Variants in PLEKHA5 observed in about 807,000 individuals in gnomAD.
PLEKHA5 encodes the protein pleckstrin homology domain containing A5, also known as pleckstrin homology domain-containing family A member 5.
A neutral mutation model predicts 181.9 loss-of-function variants in PLEKHA5; 55 were observed. That is an observed-to-expected ratio of 0.30 (90% CI 0.24 to 0.38). The LOEUF is 0.38. Ranked by LOEUF, PLEKHA5 falls within the 10% of genes least tolerant of loss-of-function variation. PLEKHA5 has a pLI of 1.00. For synonymous variants in PLEKHA5, 535 were observed against 529.4 expected (o/e 1.01, Z -0.15); for missense variants, 1,432 against 1,549.5 (o/e 0.92, Z 1.27).
intron 5 of PLEKHA5, among the ~76,000 whole-genome samples, chr12:19,255,555 G>A (rs1054265912): frequency 1.3e-5 from 2 of 151,486 alleles, no homozygotes; most frequent in African/African-American, 2.4e-5. Flanking sequence ...ATAATTATAA[G>A]ATAATTATAA....
chr12:19,335,723 C>G (rs2093374213), intron 20 of PLEKHA5, among the ~76,000 whole-genome samples: 1 of 151,718 alleles, frequency 6.6e-6, no homozygotes, highest in Non-Finnish European at 1.5e-5. Context: ...CCTCTGCTTC[C>G]TAGGTTCAAG....
At chr12:19,190,397 T>C (rs913637291) in intron 3 of PLEKHA5, among the ~76,000 whole-genome samples, 1 of 152,206 alleles carries the variant, frequency 6.6e-6, no homozygotes, top group Non-Finnish European at 1.5e-5. Context: ...TTCAGGTTAA[T>C]GCAAAGCACT....
At chr12:19,211,637 A>G (rs1410071397) in intron 3 of PLEKHA5, among the ~76,000 whole-genome samples, 1 of 152,226 alleles carries the variant, frequency 6.6e-6, no homozygotes, top group Non-Finnish European at 1.5e-5. Context: ...TCAATAGAAG[A>G]TATCAAATGA....
At position 19,307,400 on chromosome 12, in the gene PLEKHA5, AG is replaced by A. The variant is rs1195388653; in HGVS notation, c.2038-7412del. The A allele has an allele frequency of 1.2e-5, 3 of 258,532 alleles. No homozygotes were observed. In the South Asian group the frequency reaches 1.4e-4, roughly 12 times the overall value. The allele number at this position is 258,532 out of a possible 1,614,324, so 16.0% of individuals were successfully genotyped here. A position where few individuals can be genotyped will look rare whatever the true frequency, so the allele number is the denominator to read the frequency against. On this transcript the variant is annotated intron_variant, in intron 15 of 31. Coordinates refer to ENST00000429027, the MANE Select transcript of PLEKHA5 (RefSeq NM_001256470.2). Reference sequence around the variant, plus strand: ...GGCAGGAGAATCGCCTGAATCCTGGAGGCGGAGGTTGCAGTGAGCCGAGATT... The same window carrying A: ...GGCAGGAGAATCGCCTGAATCCTGGAGCGGAGGTTGCAGTGAGCCGAGATT...
At chr12:19,253,063 C>CTTTTT (rs1314175368) in intron 3 of PLEKHA5, among the ~76,000 whole-genome samples, 1 of 51,992 alleles carries the variant, frequency 1.9e-5, no homozygotes, top group Non-Finnish European at 5.6e-5. Context: ...AATCAACTTA[C>CTTTTT]CTTTTTTTTT....
chr12:19,269,348 C>T (rs972484879), intron 8 of PLEKHA5, among the ~76,000 whole-genome samples: 6 of 146,122 alleles, frequency 4.1e-5, no homozygotes, highest in African/African-American at 1.3e-4. Flanking sequence ...GATTGCTCCA[C>T]TGCACTCCAA....
At chr12:19,348,282 C>G in intron 24 of PLEKHA5, 117 bp from the exon 25 acceptor site, 2 of 709,646 alleles carry the variant, frequency 2.8e-6, no homozygotes, top group South Asian at 1.8e-5. Context: ...TGTGTTATAT[C>G]CCAGATGGCT....
intron 8 of PLEKHA5, among the ~76,000 whole-genome samples, chr12:19,267,020 C>T (rs903693348): frequency 6.6e-6 from 1 of 152,040 alleles, no homozygotes; most frequent in Non-Finnish European, 1.5e-5. Flanking sequence ...ATTAATAGTA[C>T]CCACCAATCT....
chr12:19,266,853 A>C (rs1305952227), intron 8 of PLEKHA5, among the ~76,000 whole-genome samples: 1 of 152,182 alleles, frequency 6.6e-6, no homozygotes, highest in Non-Finnish European at 1.5e-5. Context: ...ATAAAGATAT[A>C]TATATGTACC....
intron 20 of PLEKHA5, among the ~76,000 whole-genome samples, chr12:19,325,700 AT>A (rs1178174808): frequency 3.3e-4 from 44 of 133,182 alleles, no homozygotes; most frequent in African/African-American, 1.1e-3. Flanking sequence ...AAAAAAAAAA[AT>A]AGTAATAATA....
chr12:19,331,867 TA>T (rs1205900668), intron 20 of PLEKHA5, among the ~76,000 whole-genome samples: 2 of 151,550 alleles, frequency 1.3e-5, no homozygotes, highest in Non-Finnish European at 2.9e-5. Context: ...TACAGAAGAT[TA>T]AAAAACAATG....
chr12:19,276,376 T>C (rs2074502321), intron 11 of PLEKHA5, among the ~76,000 whole-genome samples: 1 of 152,156 alleles, frequency 6.6e-6, no homozygotes, highest in South Asian at 2.1e-4. Flanking sequence ...ATGTGCTTGA[T>C]TGCAAACTCG....
At chr12:19,349,261 A>G (rs2094476655) in intron 25 of PLEKHA5, among the ~76,000 whole-genome samples, 1 of 151,932 alleles carries the variant, frequency 6.6e-6, no homozygotes, top group Non-Finnish European at 1.5e-5. Flanking sequence ...GACTACAGGC[A>G]CACACCACCA....
chr12:19,194,892 T>TTTA (rs2052258271), intron 3 of PLEKHA5, among the ~76,000 whole-genome samples: 1 of 152,130 alleles, frequency 6.6e-6, no homozygotes, highest in East Asian at 1.9e-4. Flanking sequence ...ATGAAAAGGG[T>TTTA]TTATATCAAA....
chr12:19,172,533 G>A (rs778744945), intron 3 of PLEKHA5, among the ~76,000 whole-genome samples: 1 of 152,230 alleles, frequency 6.6e-6, no homozygotes, highest in African/African-American at 2.4e-5. Context: ...GAAAATCTGC[G>A]CAACATCAGT....
chr12:19,192,713 AT>A (rs1379743313), intron 3 of PLEKHA5, among the ~76,000 whole-genome samples: 6 of 152,218 alleles, frequency 3.9e-5, no homozygotes, highest in African/African-American at 1.2e-4. Flanking sequence ...GTCTCAAAAA[AT>A]AAAAAAGAAA....
chr12:19,153,360 T>G (rs2040904103), intron 3 of PLEKHA5: 1 of 152,204 alleles, frequency 6.6e-6, no homozygotes, highest in African/African-American at 2.4e-5. Flanking sequence ...TTGTTAATGC[T>G]AAACCATTAA....
At chr12:19,316,229 G>C (rs1210422164) in intron 16 of PLEKHA5, among the ~76,000 whole-genome samples, 1 of 152,056 alleles carries the variant, frequency 6.6e-6, no homozygotes, top group East Asian at 1.9e-4. Flanking sequence ...AATAGGTTAT[G>C]TTTTTATCAC....
intron 16 of PLEKHA5, among the ~76,000 whole-genome samples, chr12:19,317,992 C>G (rs1257474716): frequency 8.4e-6 from 1 of 119,242 alleles, no homozygotes. Flanking sequence ...TTACCATGAA[C>G]TTAAATTAAC....
Sources: allele counts gnomAD v4.1 joint callset (sites outside exome capture counted in the v4.1 genomes callset), GRCh38; gene constraint gnomAD v4.1.1; transcripts MANE v1.5; gene names NCBI Gene and HGNC (gene_info 2026-07-23, HGNC 2026-07-21).